Variants in ZFHX3 observed in about 807,000 individuals in gnomAD.
The protein encoded by ZFHX3 is zinc finger homeobox protein 3.
Under a neutral mutation model 279.1 loss-of-function variants are expected in ZFHX3, and 42 were observed. The observed-to-expected ratio is 0.15, with a 90% confidence interval of 0.12 to 0.19. ZFHX3 has a LOEUF of 0.19. Ranked by LOEUF, ZFHX3 falls within the 10% of genes least tolerant of loss-of-function variation. ZFHX3 has a pLI of 1.00. For missense variants in ZFHX3, 4,981 were observed against 4,754.0 expected (o/e 1.05, Z -1.40); for synonymous variants, 2,293 against 1,957.8 (o/e 1.17, Z -4.52).
At chr16:73,432,787 C>CA (rs2017931346) in intron 3 of ZFHX3, among the ~76,000 whole-genome samples, 1 of 128,102 alleles carries the variant, frequency 7.8e-6, no homozygotes. Flanking sequence ...TTTTCTTCTT[C>CA]TTTTTTTTCT....
chr16:73,661,275 C>T (rs900787706), intron 2 of ZFHX3, among the ~76,000 whole-genome samples: 2 of 151,992 alleles, frequency 1.3e-5, no homozygotes, highest in African/African-American at 4.8e-5. Context: ...CACATTTTGC[C>T]TCAATTGTAA....
intron 2 of ZFHX3, among the ~76,000 whole-genome samples, chr16:73,523,038 T>C (rs1011391418): frequency 6.6e-6 from 1 of 152,058 alleles, no homozygotes; most frequent in Non-Finnish European, 1.5e-5. Context: ...ACGGTGGCAA[T>C]TATGGGAACT....
chr16:72,957,966 C>G lies in ZFHX3; in HGVS notation c.2180G>C (p.Arg727Pro). The G allele has an allele frequency of 6.2e-7, 1 of 1,614,102 alleles. No individual in the cohort carries two copies. The highest frequency in any genetic ancestry group is 8.5e-7 in the Non-Finnish European group (1 of 1,180,048). ...ESYTCGYKPF[R>P]CEVCNYSTTT... ...TGTGGAGTAGTTACACACCTCGCAG[C>G]GGAAAGGCTTGTAACCACACGTGTA... The change falls in exon 2 of 10, where the codon CGC becomes CCC. Residue 727 changes from arginine to proline, a missense_variant. Arg to Pro is a moderately radical substitution (Grantham distance 103, BLOSUM62 -2). This residue lies in a region of ZFHX3 where 39 missense variants were observed against 68.2 expected (regional missense o/e 0.57). Transcript: ENST00000268489.
At chr16:73,200,618 C>G (rs977936231) in intron 5 of ZFHX3, among the ~76,000 whole-genome samples, 1 of 152,148 alleles carries the variant, frequency 6.6e-6, no homozygotes, top group Non-Finnish European at 1.5e-5. Context: ...TATCATGTAG[C>G]TTACCTAACT....
rs371536462 is a variant in ZFHX3, at chr16:72,959,841, G to A, written c.305C>T (p.Ala102Val). The change falls in exon 2 of 10, where the codon GCG becomes GTG. Residue 102 changes from alanine to valine, a missense_variant. By Grantham distance (64) the Ala-to-Val change is moderately conservative. Coordinates refer to ENST00000268489, the MANE Select transcript of ZFHX3 (RefSeq NM_006885.4). ...CTCTCTCAGGGGTGGCGGGGGGCGC[G>A]CGCTGGGGCAGTGGTGCTCCATGTA... Reference protein sequence around the residue: ...QTYMEHHCPSARPPPPLREES... With the variant: ...QTYMEHHCPSVRPPPPLREES... 1.0e-4 allele frequency: 159 copies of A among 1,595,320 alleles called. No individual in the cohort carries two copies. Among genetic ancestry groups the A allele is most frequent in the South Asian group, 4.0e-4 (35 of 88,598 alleles).
At chr16:73,598,026 T>G (rs912437565) in intron 2 of ZFHX3, among the ~76,000 whole-genome samples, 2 of 152,146 alleles carry the variant, frequency 1.3e-5, no homozygotes, top group Admixed American at 1.3e-4. Context: ...CTCCCAAATA[T>G]CTCTTCATGA....
intron 2 of ZFHX3, among the ~76,000 whole-genome samples, chr16:73,677,814 T>C (rs1430525340): frequency 6.6e-6 from 1 of 152,008 alleles, no homozygotes; most frequent in Non-Finnish European, 1.5e-5. Context: ...AAAATAATTA[T>C]ACTAGTATAT....
At chr16:73,058,021 G>C (rs184941562) in intron 1 of ZFHX3, among the ~76,000 whole-genome samples, 1 of 144,706 alleles carries the variant, frequency 6.9e-6, no homozygotes, top group African/African-American at 2.5e-5. Context: ...TCGGCACCGC[G>C]GACCCCCCCA....
chr16:72,833,483 G>A (rs888522432), intron 4 of ZFHX3, among the ~76,000 whole-genome samples: 2 of 152,232 alleles, frequency 1.3e-5, no homozygotes, highest in Admixed American at 1.3e-4. Flanking sequence ...CTGATGATCG[G>A]TTTTATCTGG....
At chr16:73,263,234 C>T (rs941898310) in intron 4 of ZFHX3, among the ~76,000 whole-genome samples, 1 of 151,458 alleles carries the variant, frequency 6.6e-6, no homozygotes, top group African/African-American at 2.4e-5. Context: ...CTTACTCTGT[C>T]ACCCAGATTA....
chr16:72,963,047 C>G (rs533745361), intron 1 of ZFHX3, among the ~76,000 whole-genome samples: 2 of 152,174 alleles, frequency 1.3e-5, no homozygotes, highest in African/African-American at 4.8e-5. Context: ...AGGCAGAAGT[C>G]AACTCGGCAG....
intron 1 of ZFHX3, among the ~76,000 whole-genome samples, chr16:73,044,424 C>T (rs1055160346): frequency 2.0e-5 from 3 of 152,182 alleles, no homozygotes; most frequent in Non-Finnish European, 4.4e-5. Flanking sequence ...AAAGCATAAA[C>T]CACAGCACAT....
At chr16:73,211,842 G>C (rs2012029264) in intron 5 of ZFHX3, among the ~76,000 whole-genome samples, 1 of 152,096 alleles carries the variant, frequency 6.6e-6, no homozygotes, top group Non-Finnish European at 1.5e-5. Context: ...GGAATGGCAG[G>C]GAGGGGGGTG....
Position 73,335,199 on chromosome 16 carries a change from A to T in ZFHX3, c.-1290-16863T>A, listed in dbSNP as rs191876666. Among the ~76,000 whole-genome samples the T allele has an allele frequency of 1.8e-4, 27 of 152,286 alleles. 1 individual carries two copies. The East Asian group carries it at 4.2e-3, about 24-fold the overall frequency. ...TGAAGTGATAGCTATAATAATATTT[A>T]CCAAGTGTTACGTGCTAGGCCCTGG... On this transcript the variant is annotated intron_variant, in intron 3 of 17. Coordinates refer to the ZFHX3 transcript ENST00000641206.
chr16:73,070,702 A>G (rs1337171710), intron 8 of ZFHX3, among the ~76,000 whole-genome samples: 1 of 147,144 alleles, frequency 6.8e-6, no homozygotes, highest in African/African-American at 2.5e-5. Flanking sequence ...GGAAATGCTG[A>G]CATCATTGTC....
chr16:73,216,240 G>A (rs879749760), intron 5 of ZFHX3, among the ~76,000 whole-genome samples: 3 of 152,192 alleles, frequency 2.0e-5, no homozygotes, highest in Non-Finnish European at 4.4e-5. Context: ...TTCCAAAACT[G>A]CCATGGGATT....
intron 3 of ZFHX3, among the ~76,000 whole-genome samples, chr16:73,340,760 C>CA (rs1325130870): frequency 3.9e-5 from 6 of 152,110 alleles, no homozygotes; most frequent in South Asian, 2.1e-4. Flanking sequence ...CCTCCAACCA[C>CA]AAAAAAGACT....
intron 2 of ZFHX3, among the ~76,000 whole-genome samples, chr16:73,492,260 G>C (rs1000180621): frequency 6.6e-6 from 1 of 152,028 alleles, no homozygotes; most frequent in African/African-American, 2.4e-5. Flanking sequence ...AGCCACTCCT[G>C]ACTCCTCCCC....
At chr16:73,388,873 G>A (rs905232932) in intron 3 of ZFHX3, 2 of 152,262 alleles carry the variant, frequency 1.3e-5, no homozygotes, top group East Asian at 3.9e-4. Context: ...CAGACACTGT[G>A]AACAACTCCC....
Sources: gnomAD v4.1 joint callset for allele counts (sites outside exome capture counted in the v4.1 genomes callset) on GRCh38, gnomAD v4.1.1 for gene constraint, gnomAD v4.1.1 regional missense constraint, MANE v1.5 for transcripts, NCBI Gene and HGNC (gene_info 2026-07-23, HGNC 2026-07-21) for gene names.